The following NTM variants were observed in gnomAD, a reference collection of about 807,000 sequenced individuals.
NTM encodes the protein IgLON family member 2.
Under a neutral mutation model 42.1 loss-of-function variants are expected in NTM, and 13 were observed. The observed-to-expected ratio is 0.31, with a 90% CI of 0.20 to 0.49. The LOEUF (loss-of-function observed/expected upper bound fraction) is 0.49, where lower values mean the gene tolerates loss of function less well. Ranked by LOEUF, NTM falls within the 20% of genes least tolerant of loss-of-function variation. NTM has a pLI of 0.99. For synonymous variants in NTM, 187 were observed against 179.2 expected (o/e 1.04, Z -0.35); for missense variants, 373 against 452.8 (o/e 0.82, Z 1.60).
chr11:132,173,893 G>T (rs950026412), intron 3 of NTM, among the ~76,000 whole-genome samples: 19 of 152,162 alleles, frequency 1.2e-4, no homozygotes, highest in African/African-American at 4.1e-4. Flanking sequence ...TTAAAAGTTG[G>T]ACTGTCTCCA....
At chr11:131,514,928 G>A (rs545675516) in intron 1 of NTM, among the ~76,000 whole-genome samples, 1 of 152,074 alleles carries the variant, frequency 6.6e-6, no homozygotes, top group Admixed American at 6.5e-5. Context: ...GAGAGGGAGA[G>A]AGACAAGGTC....
At chr11:131,827,555 T>C (rs1390567656) in intron 1 of NTM, among the ~76,000 whole-genome samples, 2 of 152,212 alleles carry the variant, frequency 1.3e-5, no homozygotes, top group Non-Finnish European at 2.9e-5. Context: ...TCATTTGTCC[T>C]TTGTGGACAC....
At chr11:131,644,660 T>C (rs1305595333) in intron 1 of NTM, among the ~76,000 whole-genome samples, 3 of 152,230 alleles carry the variant, frequency 2.0e-5, no homozygotes, top group African/African-American at 7.2e-5. Flanking sequence ...CTTAGAAACA[T>C]ACTTATGATA....
At chr11:132,232,301 G>A (rs2087762353) in intron 4 of NTM, among the ~76,000 whole-genome samples, 1 of 147,852 alleles carries the variant, frequency 6.8e-6, no homozygotes. Flanking sequence ...CAAACATTAG[G>A]GGAAAAGAGG....
chr11:131,546,286 G>T (rs1178809202), intron 1 of NTM, among the ~76,000 whole-genome samples: 1 of 152,080 alleles, frequency 6.6e-6, no homozygotes, highest in Non-Finnish European at 1.5e-5. Flanking sequence ...GTTCTTCTTT[G>T]CCTCAAAATA....
At chr11:132,080,709 C>T (rs934739093) in intron 2 of NTM, among the ~76,000 whole-genome samples, 3 of 152,102 alleles carry the variant, frequency 2.0e-5, no homozygotes, top group Admixed American at 1.3e-4. Context: ...AACCTGAGAG[C>T]TTGTTAAATG....
intron 4 of NTM, among the ~76,000 whole-genome samples, chr11:132,240,894 C>A (rs1183201577): frequency 6.6e-6 from 1 of 152,166 alleles, no homozygotes; most frequent in Non-Finnish European, 1.5e-5. Context: ...ATTAGAAAAT[C>A]CAAAATCAGA....
At chr11:132,086,255 C>A (rs759045421) in intron 2 of NTM, among the ~76,000 whole-genome samples, 3 of 142,774 alleles carry the variant, frequency 2.1e-5, no homozygotes, top group Non-Finnish European at 4.5e-5. Context: ...ACCCAGGAGG[C>A]GGAGCTTGCA....
intron 2 of NTM, among the ~76,000 whole-genome samples, chr11:132,136,784 G>A (rs1277711397): frequency 6.6e-6 from 1 of 152,154 alleles, no homozygotes; most frequent in Non-Finnish European, 1.5e-5. Context: ...AGGGTGATAG[G>A]AGTGTGCTAG....
chr11:131,384,433 T>C (rs1038614278), intron 1 of NTM, among the ~76,000 whole-genome samples: 9 of 152,220 alleles, frequency 5.9e-5, no homozygotes, highest in Non-Finnish European at 1.2e-4. Context: ...TATACTTAGT[T>C]GCAATAATCT....
At chr11:132,141,242 T>A (rs1482205104) in intron 2 of NTM, among the ~76,000 whole-genome samples, 1 of 152,016 alleles carries the variant, frequency 6.6e-6, no homozygotes, top group Non-Finnish European at 1.5e-5. Flanking sequence ...TTTCTGTCTC[T>A]CTCTCTCTCC....
intron 2 of NTM, among the ~76,000 whole-genome samples, chr11:131,913,490 G>A (rs1309521253): frequency 6.6e-6 from 1 of 152,222 alleles, no homozygotes; most frequent in African/African-American, 2.4e-5. Context: ...GAGGGTGGCT[G>A]CATTCAGCAG....
intron 1 of NTM, among the ~76,000 whole-genome samples, chr11:131,614,660 A>G (rs1263169259): frequency 6.6e-6 from 1 of 152,176 alleles, no homozygotes; most frequent in Admixed American, 6.5e-5. Flanking sequence ...TGCCATCGTC[A>G]CTGCTTTGTC....
intron 1 of NTM, among the ~76,000 whole-genome samples, chr11:131,562,359 T>C (rs540102010): frequency 6.6e-6 from 1 of 152,282 alleles, no homozygotes; most frequent in Admixed American, 6.5e-5. Context: ...AAATTCATTA[T>C]GTGAAGTATA....
chr11:132,145,195 T>A (rs939845363), intron 2 of NTM, among the ~76,000 whole-genome samples: 30 of 152,212 alleles, frequency 2.0e-4, no homozygotes, highest in African/African-American at 7.2e-4. Context: ...GGACAAGTCA[T>A]CAGGCTATTC....
intron 2 of NTM, among the ~76,000 whole-genome samples, chr11:132,020,646 T>G (rs1038393278): frequency 3.3e-5 from 5 of 152,244 alleles, no homozygotes; most frequent in African/African-American, 9.6e-5. Flanking sequence ...AAAAGGTTTT[T>G]CTGAAAACTA....
intron 1 of NTM, among the ~76,000 whole-genome samples, chr11:131,907,987 C>A (rs2054110356): frequency 6.6e-6 from 1 of 152,178 alleles, no homozygotes; most frequent in Non-Finnish European, 1.5e-5. Context: ...CATCTCTGAC[C>A]TTTCACCACT....
At chr11:131,569,872 C>T (rs531803697) in intron 1 of NTM, among the ~76,000 whole-genome samples, 102 of 152,350 alleles carry the variant, frequency 6.7e-4, no homozygotes, top group Non-Finnish European at 8.2e-4. Flanking sequence ...TAGGCCACCA[C>T]GTCCGGCCTG....
chr11:131,914,315 T>C (rs2055883813), intron 2 of NTM, among the ~76,000 whole-genome samples: 1 of 152,110 alleles, frequency 6.6e-6, no homozygotes, highest in South Asian at 2.1e-4. Flanking sequence ...TCTTCTTCCG[T>C]TTGTTTTTTT....
Sources: gnomAD v4.1 joint callset for allele counts (sites outside exome capture counted in the v4.1 genomes callset) on GRCh38, gnomAD v4.1.1 for gene constraint, MANE v1.5 for transcripts, NCBI Gene and HGNC (gene_info 2026-07-23, HGNC 2026-07-21) for gene names.